PRKG1: variants seen among roughly 807,000 people sequenced by gnomAD.
PRKG1 encodes the protein cGMP-dependent protein kinase 1.
Under a neutral mutation model 88.1 loss-of-function variants are expected in PRKG1, and 35 were observed. The observed-to-expected ratio is 0.40, with a 90% confidence interval of 0.30 to 0.53. The LOEUF is 0.53. PRKG1 is among the 20% of genes least tolerant of loss of function. The pLI, the probability that PRKG1 is intolerant of heterozygous loss-of-function variation, is 0.59. For synonymous variants in PRKG1, 303 were observed against 292.5 expected, an observed-to-expected ratio of 1.04 and a Z score of -0.37; for missense variants, 540 against 839.8, an observed-to-expected ratio of 0.64 and a Z score of 4.41.
intron 8 of PRKG1, among the ~76,000 whole-genome samples, chr10:52,153,180 T>C (rs1311713189): frequency 6.6e-6 from 1 of 152,132 alleles, no homozygotes; most frequent in African/African-American, 2.4e-5. Flanking sequence ...CAGATGTTTT[T>C]GTAAAACAAA....
chr10:51,293,714 AT>A (rs900326441), intron 2 of PRKG1, among the ~76,000 whole-genome samples: 1 of 151,856 alleles, frequency 6.6e-6, no homozygotes, highest in African/African-American at 2.4e-5. Flanking sequence ...CAACATACTG[AT>A]TTTTTTTGGG....
intron 5 of PRKG1, among the ~76,000 whole-genome samples, chr10:51,950,896 G>A (rs1312295835): frequency 1.3e-5 from 2 of 152,222 alleles, no homozygotes; most frequent in African/African-American, 4.8e-5. Flanking sequence ...GTTTTATTGA[G>A]TGATGAAATA....
chr10:52,244,740 A>G (rs1443135062), intron 9 of PRKG1, among the ~76,000 whole-genome samples: 1 of 144,616 alleles, frequency 6.9e-6, no homozygotes, highest in Non-Finnish European at 1.5e-5. Flanking sequence ...ACTTTAATAT[A>G]TATTTAAATA....
Position 52,133,922 on chromosome 10 carries a change from A to C in PRKG1, c.1001+17A>C, listed in dbSNP as rs1426325634. On this transcript the variant is annotated intron_variant, in intron 8 of 17. Transcript: ENST00000373980. The stretch of plus-strand genomic sequence containing the variant: ...TGACAGAGAGTAAGTACATTGTTTT[A>C]TTATGTGAATTACACACTCATATCA... The C allele has an allele frequency of 6.3e-7, 1 of 1,596,146 alleles. No homozygotes were observed. The highest frequency in any genetic ancestry group is 1.7e-5 in the Admixed American group (1 of 59,734).
At chr10:51,929,628 G>A (rs1287215279) in intron 5 of PRKG1, among the ~76,000 whole-genome samples, 1 of 152,112 alleles carries the variant, frequency 6.6e-6, no homozygotes, top group Non-Finnish European at 1.5e-5. Context: ...TGGGAGTACA[G>A]GCATGAGCCA....
At chr10:51,305,283 C>CAGT (rs1841007417) in intron 2 of PRKG1, among the ~76,000 whole-genome samples, 1 of 152,130 alleles carries the variant, frequency 6.6e-6, no homozygotes, top group South Asian at 2.1e-4. Context: ...AGAAAAAGAA[C>CAGT]AGTAACCTTT....
chr10:51,301,987 C>T (rs545492751), intron 2 of PRKG1, among the ~76,000 whole-genome samples: 1 of 152,312 alleles, frequency 6.6e-6, no homozygotes, highest in East Asian at 1.9e-4. Context: ...GTGACCTTAA[C>T]TAGTCCAGTT....
intron 4 of PRKG1, among the ~76,000 whole-genome samples, chr10:51,836,858 G>C (rs1840144718): frequency 6.6e-6 from 1 of 152,146 alleles, no homozygotes; most frequent in South Asian, 2.1e-4. Context: ...GACCCAGAGG[G>C]TTGTGTTGAA....
intron 3 of PRKG1, among the ~76,000 whole-genome samples, chr10:51,497,360 T>A (rs951681645): frequency 6.6e-6 from 1 of 152,126 alleles, no homozygotes; most frequent in African/African-American, 2.4e-5. Flanking sequence ...TGAGCACCTA[T>A]TATGTTTCAA....
chr10:51,483,009 C>CTTT (rs149140774), intron 3 of PRKG1, among the ~76,000 whole-genome samples: 30 of 110,448 alleles, frequency 2.7e-4, no homozygotes, highest in African/African-American at 3.4e-4. Context: ...TCTTTTCTTT[C>CTTT]TTTTTTTTTT....
chr10:52,194,424 GT>G (rs770874660), intron 9 of PRKG1, among the ~76,000 whole-genome samples: 5 of 152,066 alleles, frequency 3.3e-5, no homozygotes, highest in Non-Finnish European at 7.4e-5. Flanking sequence ...AATGATGACT[GT>G]TATTCAAAGA....
intron 1 of PRKG1, among the ~76,000 whole-genome samples, chr10:51,088,780 G>A (rs567555787): frequency 6.6e-6 from 1 of 151,286 alleles, no homozygotes; most frequent in South Asian, 2.1e-4. Context: ...GCCCAGAAAT[G>A]GATGGCACAC....
intron 2 of PRKG1, among the ~76,000 whole-genome samples, chr10:51,216,514 A>G (rs1838375359): frequency 1.4e-5 from 2 of 146,878 alleles, no homozygotes; most frequent in Non-Finnish European, 1.5e-5. Flanking sequence ...CACTGGTTTT[A>G]AAAAACCCGA....
intron 1 of PRKG1, among the ~76,000 whole-genome samples, chr10:51,120,294 A>G (rs1403738914): frequency 6.6e-6 from 1 of 152,122 alleles, no homozygotes; most frequent in Admixed American, 6.6e-5. Context: ...GGGAGGGCAA[A>G]GTTGTTGAGG....
chr10:51,943,262 A>G lies in PRKG1; in HGVS notation c.762+35692A>G, dbSNP rs1297429145. Among the ~76,000 whole-genome samples the G allele has an allele frequency of 5.9e-3, 894 of 151,750 alleles. 3 individuals carry two copies. Among genetic ancestry groups the G allele is most frequent in the Non-Finnish European group, 8.9e-3 (602 of 67,938 alleles). On this transcript the variant is annotated intron_variant, in intron 5 of 17. Coordinates refer to ENST00000373980, the MANE Select transcript of PRKG1 (RefSeq NM_006258.4). ...TGATTTGGCTCTCTGTTTGTCTGTT[A>G]TTGGTGTATAAGAATGCTTGTGATT...
intron 4 of PRKG1, among the ~76,000 whole-genome samples, chr10:51,846,413 T>C (rs1840398783): frequency 6.6e-6 from 1 of 152,160 alleles, no homozygotes; most frequent in African/African-American, 2.4e-5. Flanking sequence ...ATAACTCAAC[T>C]GCTATATTGA....
chr10:52,006,066 A>G (rs2447640), intron 5 of PRKG1, among the ~76,000 whole-genome samples: 106,149 of 151,794 alleles, frequency 0.7, 37,233 homozygotes, highest in East Asian at 0.92. Context: ...AAGGGCATCA[A>G]ATAAGATAAA....
intron 2 of PRKG1, among the ~76,000 whole-genome samples, chr10:51,160,958 A>G (rs1316252762): frequency 6.6e-6 from 1 of 151,916 alleles, no homozygotes; most frequent in Non-Finnish European, 1.5e-5. Context: ...TGTGAGGTTC[A>G]TGGCTTAGAT....
intron 3 of PRKG1, among the ~76,000 whole-genome samples, chr10:51,491,466 A>G (rs1589012689): frequency 6.6e-6 from 1 of 152,130 alleles, no homozygotes; most frequent in Admixed American, 6.5e-5. Context: ...TAAAAATAAT[A>G]CCTACGGAAG....
Sources: gnomAD v4.1 joint callset for allele counts (sites outside exome capture counted in the v4.1 genomes callset) on GRCh38, gnomAD v4.1.1 for gene constraint, MANE v1.5 for transcripts, NCBI Gene and HGNC (gene_info 2026-07-23, HGNC 2026-07-21) for gene names.